Variants in SDK1 observed in about 807,000 individuals in gnomAD.
The protein encoded by SDK1 is protein sidekick-1.
In SDK1, 157 loss-of-function variants were observed where a neutral mutation model predicts 245.5. The observed-to-expected ratio is 0.64, with a 90% CI of 0.56 to 0.73. The LOEUF (loss-of-function observed/expected upper bound fraction) is 0.73. Among genes scored for constraint, SDK1 ranks in the 30% least tolerant of loss-of-function variants. The pLI, the probability that SDK1 is intolerant of heterozygous loss-of-function variation, is 0.00. For missense variants in SDK1, 3,583 were observed against 3,002.3 expected (o/e 1.19, Z -4.52); for synonymous variants, 1,647 against 1,278.5 (o/e 1.29, Z -6.15).
At position 4,239,629 on chromosome 7, in the gene SDK1, G is replaced by T. The variant is rs866573700; in HGVS notation, c.6130+1845G>T. On this transcript the variant is annotated intron_variant, in intron 42 of 44. Coordinates refer to ENST00000404826, the MANE Select transcript of SDK1 (RefSeq NM_152744.4). ...TCCTCCCACCTCAGCCTCCCAAAGT[G>T]CTGGGATTACAGGAGTGAGCCACGC... is the stretch of plus-strand genomic sequence containing the variant. Among the ~76,000 whole-genome samples, 22 of 152,270 alleles carry T rather than the reference G, an allele frequency of 1.4e-4. No individual in the cohort carries two copies. The South Asian group carries it at 2.3e-3, about 16-fold the overall frequency.
intron 1 of SDK1, among the ~76,000 whole-genome samples, chr7:3,306,031 C>T (rs188067535): frequency 1.4e-4 from 21 of 152,256 alleles, no homozygotes. Context: ...AACTTGAGTT[C>T]ATAACCCCTG....
At chr7:3,531,941 C>A (rs1332775756) in intron 1 of SDK1, among the ~76,000 whole-genome samples, 1 of 152,214 alleles carries the variant, frequency 6.6e-6, no homozygotes, top group Non-Finnish European at 1.5e-5. Context: ...TTCAGTAACA[C>A]ACCATTTATC....
intron 12 of SDK1, among the ~76,000 whole-genome samples, chr7:3,973,362 A>G (rs1782639186): frequency 6.6e-6 from 1 of 152,244 alleles, no homozygotes; most frequent in Non-Finnish European, 1.5e-5. Flanking sequence ...ATTATTGTGG[A>G]AAAGAAAAAC....
intron 4 of SDK1, among the ~76,000 whole-genome samples, chr7:3,805,305 T>C (rs1279841688): frequency 6.6e-6 from 1 of 152,254 alleles, no homozygotes; most frequent in African/African-American, 2.4e-5. Flanking sequence ...GTATTTCCTG[T>C]GTAGACCACG....
intron 4 of SDK1, among the ~76,000 whole-genome samples, chr7:3,688,457 A>G (rs569129698): frequency 2.0e-5 from 3 of 152,388 alleles, no homozygotes; most frequent in East Asian, 3.9e-4. Context: ...AAGGAGTGTT[A>G]TAAAGAATAA....
chr7:3,559,299 G>T (rs1779677885), intron 1 of SDK1, among the ~76,000 whole-genome samples: 1 of 152,118 alleles, frequency 6.6e-6, no homozygotes, highest in Non-Finnish European at 1.5e-5. Flanking sequence ...ATTTTGAACA[G>T]TTCTGCTGTT....
intron 28 of SDK1, among the ~76,000 whole-genome samples, chr7:4,136,818 G>A (rs911860289): frequency 6.6e-6 from 1 of 152,260 alleles, no homozygotes; most frequent in Non-Finnish European, 1.5e-5. Flanking sequence ...GGAACTCTGC[G>A]GAGAATCAGG....
Position 3,440,342 on chromosome 7 carries a change from G to A in SDK1, c.298+138458G>A, listed in dbSNP as rs567013839. On this transcript the variant is annotated intron_variant, in intron 1 of 44. Transcript: ENST00000404826. ...CAGTGCAAGTGATTTCTGATTGGTT[G>A]GTGCAGGCTATACAGTCTGTTGGTT... Among the ~76,000 whole-genome samples the A allele has an allele frequency of 9.2e-5, 14 of 152,276 alleles. No individual in the cohort carries two copies. The South Asian group carries it at 2.9e-3, about 32-fold the overall frequency.
intron 4 of SDK1, among the ~76,000 whole-genome samples, chr7:3,786,939 C>G (rs1164499584): frequency 6.6e-6 from 1 of 152,036 alleles, no homozygotes; most frequent in Admixed American, 6.6e-5. Context: ...TCATCTTTTT[C>G]AGATATCAAA....
intron 18 of SDK1, among the ~76,000 whole-genome samples, chr7:4,051,347 G>A (rs192505433): frequency 6.7e-6 from 1 of 148,386 alleles, no homozygotes; most frequent in Admixed American, 6.8e-5. Flanking sequence ...ACCTTCTTAA[G>A]TGAAGAGAGG....
intron 5 of SDK1, among the ~76,000 whole-genome samples, chr7:3,822,086 C>G (rs929358480): frequency 2.0e-5 from 3 of 152,176 alleles, no homozygotes; most frequent in Non-Finnish European, 4.4e-5. Flanking sequence ...AGACAATGCA[C>G]ACAAATCATG....
At chr7:4,084,158 G>T (rs1781277011) in intron 22 of SDK1, among the ~76,000 whole-genome samples, 2 of 152,198 alleles carry the variant, frequency 1.3e-5, no homozygotes, top group African/African-American at 4.8e-5. Context: ...ACTCTCAAAT[G>T]CAGGAAGGCA....
At chr7:4,183,427 A>G (rs1253402333) in intron 35 of SDK1, among the ~76,000 whole-genome samples, 1 of 151,978 alleles carries the variant, frequency 6.6e-6, no homozygotes, top group East Asian at 1.9e-4. Flanking sequence ...CGAAGTCAGG[A>G]GTTCAAGACC....
rs116276786 is a variant in SDK1 at position 3,951,614 on chromosome 7, C to T, written c.960-116C>T. 1,484 of 838,712 alleles carry T rather than the reference C, an allele frequency of 1.8e-3. 14 individuals are homozygous for T. In the African/African-American group the frequency reaches 0.022, roughly 12 times the overall value. The allele number at this position is 838,712 out of a possible 1,614,324, so 52.0% of individuals were successfully genotyped here. A position where few individuals can be genotyped will look rare whatever the true frequency, so the allele number is the denominator to read the frequency against. On this transcript the variant is annotated intron_variant, in intron 6 of 44. Transcript: ENST00000404826. Reference sequence around the variant, plus strand: ...AGTTTTCAGTGTCCGTTGTTCAACCCACCATGCACCCTGGTAGCATTAGCT... The same window carrying T: ...AGTTTTCAGTGTCCGTTGTTCAACCTACCATGCACCCTGGTAGCATTAGCT...
intron 19 of SDK1, among the ~76,000 whole-genome samples, chr7:4,053,151 C>T (rs966096837): frequency 3.2e-4 from 48 of 151,206 alleles, no homozygotes; most frequent in African/African-American, 1.2e-3. Flanking sequence ...TGCTGCTTGT[C>T]TCTCCCCCAG....
intron 1 of SDK1, among the ~76,000 whole-genome samples, chr7:3,561,698 T>G (rs1205422021): frequency 6.6e-6 from 1 of 152,212 alleles, no homozygotes; most frequent in Non-Finnish European, 1.5e-5. Flanking sequence ...CTTCCCATTT[T>G]AACATTCTGA....
At chr7:3,444,546 T>C (rs1780290933) in intron 1 of SDK1, among the ~76,000 whole-genome samples, 1 of 152,200 alleles carries the variant, frequency 6.6e-6, no homozygotes, top group Non-Finnish European at 1.5e-5. Flanking sequence ...ACTCTAGTTT[T>C]TCAAAATTCT....
intron 7 of SDK1, among the ~76,000 whole-genome samples, chr7:3,955,799 A>G (rs542058508): frequency 5.9e-5 from 9 of 152,330 alleles, no homozygotes; most frequent in Middle Eastern, 3.4e-3. Context: ...GGTTGCCTCC[A>G]TTGGGCCTGA....
intron 19 of SDK1, 69 bp downstream of exon 19, chr7:4,051,899 A>AGGTGTAT: frequency 3.5e-6 from 5 of 1,444,630 alleles, no homozygotes; most frequent in Non-Finnish European, 4.7e-6. Context: ...CAACTTCCAG[A>AGGTGTAT]ATCAGGCAAG....
Sources: allele counts gnomAD v4.1 joint callset (sites outside exome capture counted in the v4.1 genomes callset), GRCh38; gene constraint gnomAD v4.1.1; transcripts MANE v1.5; gene names NCBI Gene and HGNC (gene_info 2026-07-23, HGNC 2026-07-21).